Variants in EFCAB14 observed in about 807,000 individuals in gnomAD.
EFCAB14 encodes EF-hand calcium binding domain 14, also known as EF-hand calcium-binding domain-containing protein 14.
Under a neutral mutation model 56.5 loss-of-function variants are expected in EFCAB14, and 43 were observed. The ratio of observed to expected loss-of-function variants is 0.76; its 90% CI spans 0.60 to 0.98. EFCAB14 has a LOEUF of 0.98. EFCAB14 is among the 50% of genes least tolerant of loss of function. The pLI is 0.00. For missense variants in EFCAB14, 538 were observed against 580.3 expected, an observed-to-expected ratio of 0.93 and a Z score of 0.75; for synonymous variants, 235 against 212.9, an observed-to-expected ratio of 1.10 and a Z score of -0.90.
intron 2 of EFCAB14, among the ~76,000 whole-genome samples, chr1:46,713,640 G>C (rs1677343797): frequency 6.6e-6 from 1 of 152,090 alleles, no homozygotes; most frequent in Admixed American, 6.6e-5. Flanking sequence ...CCCTGGATAG[G>C]TGAATTGAGC....
Position 46,693,735 on chromosome 1 carries a change from C to T in EFCAB14, c.580-1798G>A, listed in dbSNP as rs183163480. Among the ~76,000 whole-genome samples, 104 of 152,118 alleles carry T rather than the reference C, an allele frequency of 6.8e-4. 1 individual carries two copies. Among genetic ancestry groups the T allele is most frequent in the Middle Eastern group, 6.8e-3 (2 of 294 alleles). On this transcript the variant is annotated intron_variant, in intron 4 of 10. Transcript: ENST00000371933. ...CCCCTAAGGAAGCAACTGACAGAGC[C>T]ATGTGAACTCTGGAGCAAAACTCTG...
At chr1:46,701,819 G>A (rs1677162549) in intron 3 of EFCAB14, among the ~76,000 whole-genome samples, 1 of 152,162 alleles carries the variant, frequency 6.6e-6, no homozygotes, top group Non-Finnish European at 1.5e-5. Flanking sequence ...ATAAAACCTG[G>A]ATCACCCACT....
Position 46,717,911 on chromosome 1 carries a change from G to T in EFCAB14, c.177C>A (p.Arg59=). Residue 59 remains arginine, a synonymous_variant, in exon 1 of 11, where the codon CGC becomes CGA. Coordinates refer to ENST00000371933, the MANE Select transcript of EFCAB14 (RefSeq NM_014774.3). ...EEFGVVGNRS[R]FAKGDYLRCC... is the part of the protein sequence containing the mutation. ...CTTTCACCACTACTCACTTGGCAAA[G>T]CGAGAGCGATTTCCAACCACACCGA... 6.2e-7 allele frequency: 1 copy of T among 1,613,326 alleles called. No individual in the cohort carries two copies. Among genetic ancestry groups the T allele is most frequent in the Non-Finnish European group, 8.5e-7 (1 of 1,179,788 alleles).
chr1:46,685,501 G>A (rs773867515), intron 8 of EFCAB14, among the ~76,000 whole-genome samples: 2 of 151,908 alleles, frequency 1.3e-5, no homozygotes, highest in South Asian at 2.1e-4. Flanking sequence ...GTTTATTTAG[G>A]GAGCTAAAAT....
intron 3 of EFCAB14, among the ~76,000 whole-genome samples, chr1:46,697,619 T>TG (rs900896887): frequency 5.3e-5 from 8 of 152,076 alleles, no homozygotes; most frequent in African/African-American, 1.7e-4. Flanking sequence ...TGGTAGGCAC[T>TG]GGGGGGTGTA....
chr1:46,688,093 C>A (rs34550333), intron 7 of EFCAB14, among the ~76,000 whole-genome samples: 545 of 152,262 alleles, frequency 3.6e-3, no homozygotes, highest in Non-Finnish European at 5.0e-3. Flanking sequence ...GTCATCTCTG[C>A]CAACAACTAG....
At chr1:46,714,820 GAAAGAAAAAGA>G in intron 2 of EFCAB14, among the ~76,000 whole-genome samples, 1 of 148,728 alleles carries the variant, frequency 6.7e-6, no homozygotes, top group African/African-American at 2.5e-5. Context: ...AAAAAAACAA[GAAAGAAAAAGA>G]AATGAAAAAG....
At chr1:46,716,066 G>A (rs1677384541) in intron 2 of EFCAB14, among the ~76,000 whole-genome samples, 1 of 151,536 alleles carries the variant, frequency 6.6e-6, no homozygotes. Context: ...TGGCCAACAT[G>A]GTGAAACCCC....
At position 46,716,319 on chromosome 1, in the gene EFCAB14, C is replaced by T. The variant is rs1677392551; in HGVS notation, c.310G>A (p.Ala104Thr). ...CTTGTTCGAAATTTTTCCTTGAGGG[C>T]ATCCAGATCCTCCTTGAGAGCAACC... Reference protein sequence around the residue: ...MQVALKEDLDALKEKFRTMES... With the variant: ...MQVALKEDLDTLKEKFRTMES... Residue 104 changes from alanine to threonine, a missense_variant, in exon 2 of 11, where the codon GCC becomes ACC. Ala to Thr is a moderately conservative substitution (Grantham distance 58). Transcript: ENST00000371933. The T allele has an allele frequency of 2.5e-6, 4 of 1,608,448 alleles. No homozygotes were observed. The East Asian group carries it at 6.7e-5, about 27-fold the overall frequency.
At chr1:46,710,286 A>T (rs1677290641) in intron 2 of EFCAB14, among the ~76,000 whole-genome samples, 1 of 152,226 alleles carries the variant, frequency 6.6e-6, no homozygotes, top group Non-Finnish European at 1.5e-5. Flanking sequence ...ATGTATAGTG[A>T]TCAGAGTAAT....
chr1:46,716,673 C>T (rs1677400663), intron 1 of EFCAB14, among the ~76,000 whole-genome samples: 2 of 152,154 alleles, frequency 1.3e-5, no homozygotes, highest in African/African-American at 2.4e-5. Flanking sequence ...GGAGTTCCTG[C>T]AGGTAAAAGG....
At chr1:46,695,639 G>A (rs1345000486) in intron 4 of EFCAB14, among the ~76,000 whole-genome samples, 1 of 152,038 alleles carries the variant, frequency 6.6e-6, no homozygotes, top group Non-Finnish European at 1.5e-5. Flanking sequence ...CTGTGTCAGG[G>A]GATGATGTTC....
At chr1:46,708,782 C>T (rs988943926) in intron 2 of EFCAB14, among the ~76,000 whole-genome samples, 3 of 152,098 alleles carry the variant, frequency 2.0e-5, no homozygotes, top group Non-Finnish European at 4.4e-5. Context: ...GATATTTGGC[C>T]TTTCTTTTGG....
At position 46,676,130 on chromosome 1, in the gene EFCAB14, C is replaced by T. The variant is rs779527915; in HGVS notation, c.*2331G>A. The stretch of plus-strand genomic sequence containing the variant: ...TGGGATGCTTAAGCCAGTGAGTCTG[C>T]TCAACTCAGAAGAAAGGAGTTCAAG... On this transcript the variant is annotated 3_prime_UTR_variant, in exon 11 of 11. Transcript: ENST00000371933. 5 of 152,190 alleles carry T rather than the reference C, an allele frequency of 3.3e-5. No homozygotes were observed. The highest frequency in any genetic ancestry group is 7.4e-5 in the Non-Finnish European group (5 of 68,024). The allele number at this position is 152,190 out of a possible 1,614,324, so 9.4% of individuals were successfully genotyped here.
chr1:46,701,288 AG>A (rs1361395518), intron 3 of EFCAB14, among the ~76,000 whole-genome samples: 1 of 152,176 alleles, frequency 6.6e-6, no homozygotes, highest in Non-Finnish European at 1.5e-5. Context: ...AATGCTAGGA[AG>A]GGTTCCTGCC....
chr1:46,690,312 CTT>C (rs1557442811), intron 5 of EFCAB14, among the ~76,000 whole-genome samples: 1 of 152,138 alleles, frequency 6.6e-6, no homozygotes, highest in South Asian at 2.1e-4. Flanking sequence ...GTGAGGAAAA[CTT>C]TGCATGGCTT....
chr1:46,696,526 C>A, intron 4 of EFCAB14, 25 bp downstream of exon 4: 1 of 1,604,718 alleles, frequency 6.2e-7, no homozygotes, highest in South Asian at 1.1e-5. Flanking sequence ...CTTCTGAAGT[C>A]TCTGTACCCA....
At chr1:46,692,225 T>C (rs1677004472) in intron 4 of EFCAB14, 1 of 250,824 alleles carries the variant, frequency 4.0e-6, no homozygotes, top group Non-Finnish European at 7.7e-6. Context: ...AGTGAGCAAG[T>C]AGTGCTTTTT....
At chr1:46,689,716 G>T in intron 5 of EFCAB14, 25 bp from the exon 6 acceptor site, 1 of 1,598,416 alleles carries the variant, frequency 6.3e-7, no homozygotes, top group African/African-American at 1.3e-5. Context: ...GAAGTTTAGT[G>T]TAGGCAACAA....
Sources: allele counts gnomAD v4.1 joint callset (sites outside exome capture counted in the v4.1 genomes callset), GRCh38; gene constraint gnomAD v4.1.1; transcripts MANE v1.5; gene names NCBI Gene and HGNC (gene_info 2026-07-23, HGNC 2026-07-21).